WDFY2: variants seen among roughly 807,000 people sequenced by gnomAD.
WDFY2 encodes WD repeat and FYVE domain-containing protein 2.
WDFY2 carries 36 observed loss-of-function variants against 56.4 expected under a neutral mutation model. That is an observed-to-expected ratio of 0.64 (90% CI 0.49 to 0.84). The LOEUF (loss-of-function observed/expected upper bound fraction) is 0.84. Ranked by LOEUF, WDFY2 falls within the 40% of genes least tolerant of loss-of-function variation. The probability of loss-of-function intolerance (pLI) is 0.00; values close to 1 mark genes in which losing one functional copy is unlikely to be tolerated. For missense variants in WDFY2, 444 were observed against 512.2 expected, an observed-to-expected ratio of 0.87 and a Z score of 1.29; for synonymous variants, 176 against 183.7, an observed-to-expected ratio of 0.96 and a Z score of 0.34.
chr13:51,720,075 C>T (rs919197783), intron 5 of WDFY2, among the ~76,000 whole-genome samples: 1 of 152,114 alleles, frequency 6.6e-6, no homozygotes, highest in African/African-American at 2.4e-5. Flanking sequence ...GTTTAAAAAG[C>T]ATATGGTCTT....
rs1351320701 is a variant in WDFY2 at position 51,756,478 on chromosome 13, C to T, written c.1064+16C>T. ...CAGATGAAGAGTAAGTTCCTGCAGC[C>T]TGCAGACCGCTTCAGGTTAAGGCGA... On this transcript the variant is annotated intron_variant, in intron 10 of 11. Transcript: ENST00000298125. 1.2e-6 allele frequency: 2 copies of T among 1,609,802 alleles called. No homozygotes were observed.
intron 1 of WDFY2, 128 bp from the exon 2 acceptor site, chr13:51,660,468 G>C: frequency 2.8e-6 from 2 of 702,826 alleles, no homozygotes; most frequent in African/African-American, 3.7e-5. Flanking sequence ...TCAAAGTGCT[G>C]GGACAGGCTT....
chr13:51,750,151 T>C (rs753762031), intron 7 of WDFY2, among the ~76,000 whole-genome samples: 4 of 152,230 alleles, frequency 2.6e-5, no homozygotes, highest in Non-Finnish European at 5.9e-5. Flanking sequence ...GCAGTTTCTA[T>C]TAAAAGAATT....
chr13:51,712,814 G>A (rs1048762258), intron 4 of WDFY2, among the ~76,000 whole-genome samples: 1 of 151,354 alleles, frequency 6.6e-6, no homozygotes, highest in Non-Finnish European at 1.5e-5. Flanking sequence ...CAGAGTCTAG[G>A]TATATTTAAA....
chr13:51,656,674 A>T (rs1373734319), intron 1 of WDFY2, among the ~76,000 whole-genome samples: 1 of 151,876 alleles, frequency 6.6e-6, no homozygotes, highest in East Asian at 1.9e-4. Flanking sequence ...TGTTCTTTGG[A>T]GTATATATAT....
At chr13:51,640,545 A>G (rs1229963368) in intron 1 of WDFY2, among the ~76,000 whole-genome samples, 1 of 152,220 alleles carries the variant, frequency 6.6e-6, no homozygotes. Flanking sequence ...GTGCCTCTTT[A>G]TCACACAGAG....
intron 11 of WDFY2, among the ~76,000 whole-genome samples, chr13:51,758,635 T>C (rs1268114195): frequency 1.3e-5 from 2 of 150,478 alleles, no homozygotes; most frequent in Admixed American, 1.3e-4. Context: ...CACAGCCTCA[T>C]CCCAGGCACT....
intron 1 of WDFY2, among the ~76,000 whole-genome samples, chr13:51,622,808 TTG>T (rs1215064083): frequency 1.3e-5 from 2 of 152,020 alleles, no homozygotes; most frequent in Non-Finnish European, 2.9e-5. Context: ...TAATTATAGT[TTG>T]AACTGGAATA....
At chr13:51,589,529 C>T (rs1954005410) in intron 1 of WDFY2, 1 of 152,150 alleles carries the variant, frequency 6.6e-6, no homozygotes, top group South Asian at 2.1e-4. Context: ...TATCCCAGTT[C>T]TCTGCTTCAA....
intron 7 of WDFY2, among the ~76,000 whole-genome samples, chr13:51,747,057 T>C (rs1474080471): frequency 6.6e-6 from 1 of 152,270 alleles, no homozygotes; most frequent in Non-Finnish European, 1.5e-5. Flanking sequence ...CTTTGAAATA[T>C]CAATATTTTA....
chr13:51,585,995 CA>C (rs1282904333), intron 1 of WDFY2: 6 of 398,340 alleles, frequency 1.5e-5, no homozygotes, highest in Non-Finnish European at 2.2e-5. Context: ...ATGCTCAATA[CA>C]AATGGCGCCT....
chr13:51,756,863 G>A (rs1410496748), intron 10 of WDFY2, among the ~76,000 whole-genome samples: 3 of 152,206 alleles, frequency 2.0e-5, no homozygotes, highest in Admixed American at 6.5e-5. Flanking sequence ...CATTTTCCGG[G>A]AAGAGCTAAG....
chr13:51,584,906 AC>A, intron 1 of WDFY2, 82 bp downstream of exon 1: 2 of 1,563,854 alleles, frequency 1.3e-6, no homozygotes, highest in South Asian at 2.3e-5. Context: ...CTGTGCCTTC[AC>A]GTCGGCGCGA....
chr13:51,756,261 AG>A, intron 9 of WDFY2, 70 bp from the exon 10 acceptor site: 3 of 1,547,048 alleles, frequency 1.9e-6, no homozygotes, highest in Non-Finnish European at 2.6e-6. Flanking sequence ...CTCTGCCAGG[AG>A]GGGTGAGATG....
Position 51,761,709 on chromosome 13 carries a change from G to A in WDFY2, c.*1940G>A, listed in dbSNP as rs1254564934. On this transcript the variant is annotated 3_prime_UTR_variant, in exon 12 of 12. Transcript: ENST00000298125. Reference sequence around the variant, plus strand: ...AGCTGTCCTCAGGTACTGCCCCTACGTGTGTTTCCCTGGGATGGGGCCTTG... The same window carrying A: ...AGCTGTCCTCAGGTACTGCCCCTACATGTGTTTCCCTGGGATGGGGCCTTG... The A allele has an allele frequency of 6.6e-6, 1 of 152,186 alleles. No homozygotes were observed. 9.4% of individuals were successfully genotyped at this position (152,186 alleles called of 1,614,324 possible).
chr13:51,585,572 G>A (rs1330710006), intron 1 of WDFY2, among the ~76,000 whole-genome samples: 1 of 152,150 alleles, frequency 6.6e-6, no homozygotes. Context: ...TCTGTTTTGC[G>A]TTTTCGCTTT....
At chr13:51,680,925 C>T (rs1473965393) in intron 3 of WDFY2, among the ~76,000 whole-genome samples, 1 of 152,160 alleles carries the variant, frequency 6.6e-6, no homozygotes, top group Non-Finnish European at 1.5e-5. Context: ...CTAGGGTATT[C>T]ACTAGTGAAT....
At chr13:51,609,114 TA>T (rs531046883) in intron 1 of WDFY2, among the ~76,000 whole-genome samples, 15 of 152,262 alleles carry the variant, frequency 9.9e-5, no homozygotes, top group Non-Finnish European at 1.9e-4. Flanking sequence ...ATTTTTAACT[TA>T]AAAAAATTGT....
At chr13:51,728,370 T>TA (rs1952649945) in intron 6 of WDFY2, among the ~76,000 whole-genome samples, 1 of 152,230 alleles carries the variant, frequency 6.6e-6, no homozygotes, top group African/African-American at 2.4e-5. Context: ...TAATATAAAA[T>TA]ATTCATGCTT....
Sources: allele counts gnomAD v4.1 joint callset (sites outside exome capture counted in the v4.1 genomes callset), GRCh38; gene constraint gnomAD v4.1.1; transcripts MANE v1.5; gene names NCBI Gene and HGNC (gene_info 2026-07-23, HGNC 2026-07-21).